EPHA6: variants seen among roughly 807,000 people sequenced by gnomAD.
EPHA6 encodes the protein ephrin type-A receptor 6.
EPHA6 carries 50 observed loss-of-function variants against 112.0 expected under a neutral mutation model. The ratio of observed to expected loss-of-function variants is 0.45; its 90% CI spans 0.36 to 0.56. The LOEUF (loss-of-function observed/expected upper bound fraction) is 0.56. Among genes scored for constraint, EPHA6 ranks in the 20% least tolerant of loss-of-function variants. The probability of loss-of-function intolerance (pLI) is 0.00; values close to 1 mark genes in which losing one functional copy is unlikely to be tolerated. For missense variants in EPHA6, 1,280 were observed against 1,417.4 expected (o/e 0.90, Z 1.56); for synonymous variants, 529 against 490.7 (o/e 1.08, Z -1.03).
At chr3:96,955,615 G>A (rs536073255) in intron 2 of EPHA6, among the ~76,000 whole-genome samples, 1 of 152,230 alleles carries the variant, frequency 6.6e-6, no homozygotes, top group East Asian at 1.9e-4. Flanking sequence ...AAAAGATACT[G>A]TGCTGATGCA....
chr3:96,951,873 A>C (rs1482898472), intron 2 of EPHA6, among the ~76,000 whole-genome samples: 1 of 152,134 alleles, frequency 6.6e-6, no homozygotes, highest in Non-Finnish European at 1.5e-5. Flanking sequence ...GAGAGAAAGA[A>C]GCTATCTCTG....
chr3:97,588,690 A>G (rs956297726), intron 11 of EPHA6, among the ~76,000 whole-genome samples: 2 of 152,228 alleles, frequency 1.3e-5, no homozygotes, highest in African/African-American at 4.8e-5. Flanking sequence ...GTTTATATTT[A>G]TAATCATTTG....
At chr3:97,265,780 C>T (rs1030210439) in intron 5 of EPHA6, among the ~76,000 whole-genome samples, 1 of 152,214 alleles carries the variant, frequency 6.6e-6, no homozygotes, top group Admixed American at 6.5e-5. Context: ...CTGCCACCAC[C>T]GCTTGTGCCT....
At chr3:96,977,257 A>G (rs1417029296) in intron 2 of EPHA6, among the ~76,000 whole-genome samples, 1 of 151,646 alleles carries the variant, frequency 6.6e-6, no homozygotes, top group Non-Finnish European at 1.5e-5. Context: ...AAATGAAACA[A>G]CTGACACATA....
chr3:96,906,396 C>A (rs1306603203), intron 2 of EPHA6, among the ~76,000 whole-genome samples: 2 of 151,986 alleles, frequency 1.3e-5, no homozygotes, highest in African/African-American at 4.8e-5. Flanking sequence ...TTCTCAATTT[C>A]TTTGCTCTTG....
chr3:97,045,864 T>A (rs1377880745), intron 3 of EPHA6, among the ~76,000 whole-genome samples: 1 of 152,076 alleles, frequency 6.6e-6, no homozygotes, highest in African/African-American at 2.4e-5. Context: ...CGCCATTCTT[T>A]TTTATTTATT....
intron 3 of EPHA6, among the ~76,000 whole-genome samples, chr3:97,191,664 C>G (rs535711319): frequency 6.6e-6 from 1 of 152,048 alleles, no homozygotes; most frequent in African/African-American, 2.4e-5. Flanking sequence ...TTTTCTTTCA[C>G]GGCTGACTAG....
chr3:97,076,184 A>G (rs1015625251), intron 3 of EPHA6, among the ~76,000 whole-genome samples: 1 of 152,208 alleles, frequency 6.6e-6, no homozygotes, highest in Non-Finnish European at 1.5e-5. Context: ...AAAAAGGCTC[A>G]AAGCTAATCT....
chr3:96,865,109 G>T, intron 1 of EPHA6, among the ~76,000 whole-genome samples: 1 of 151,966 alleles, frequency 6.6e-6, no homozygotes, highest in East Asian at 1.9e-4. Flanking sequence ...ACTTCAAAAA[G>T]TATTTGAAAA....
chr3:97,296,881 C>T (rs13096898), intron 5 of EPHA6, among the ~76,000 whole-genome samples: 1 of 152,132 alleles, frequency 6.6e-6, no homozygotes, highest in Non-Finnish European at 1.5e-5. Context: ...CAGCATCATC[C>T]CACTGTAGTC....
At chr3:96,925,495 C>T (rs1354903085) in intron 2 of EPHA6, among the ~76,000 whole-genome samples, 1 of 151,720 alleles carries the variant, frequency 6.6e-6, no homozygotes, top group African/African-American at 2.4e-5. Context: ...GTGTTATTTC[C>T]TTTATCATTT....
intron 3 of EPHA6, among the ~76,000 whole-genome samples, chr3:97,119,325 G>A (rs1474345081): frequency 6.6e-6 from 1 of 152,020 alleles, no homozygotes; most frequent in African/African-American, 2.4e-5. Flanking sequence ...CTAGGTGCGT[G>A]TTGCCTACAA....
intron 5 of EPHA6, among the ~76,000 whole-genome samples, chr3:97,372,250 C>T (rs1053901771): frequency 1.3e-5 from 2 of 152,178 alleles, no homozygotes; most frequent in East Asian, 3.9e-4. Flanking sequence ...CTCTTTTGTA[C>T]CTTTTCCCTT....
chr3:97,315,168 T>C (rs2081760338), intron 5 of EPHA6, among the ~76,000 whole-genome samples: 1 of 151,644 alleles, frequency 6.6e-6, no homozygotes, highest in South Asian at 2.1e-4. Flanking sequence ...GATGAAATCT[T>C]ATAGATGCAG....
intron 1 of EPHA6, among the ~76,000 whole-genome samples, chr3:96,827,807 A>C (rs1363137242): frequency 6.6e-6 from 1 of 152,168 alleles, no homozygotes; most frequent in African/African-American, 2.4e-5. Flanking sequence ...GTGCATCAAC[A>C]GGGGTCCCAA....
intron 9 of EPHA6, among the ~76,000 whole-genome samples, chr3:97,479,631 C>A (rs1302034273): frequency 6.6e-6 from 1 of 152,054 alleles, no homozygotes; most frequent in East Asian, 1.9e-4. Context: ...CTGATTTTAT[C>A]AAGTTATTTA....
At chr3:96,948,219 GTGTC>G (rs1410529461) in intron 2 of EPHA6, among the ~76,000 whole-genome samples, 1 of 152,136 alleles carries the variant, frequency 6.6e-6, no homozygotes, top group African/African-American at 2.4e-5. Context: ...AAAACTTGGA[GTGTC>G]TTATAGATCA....
intron 3 of EPHA6, among the ~76,000 whole-genome samples, chr3:97,107,762 G>C (rs1322000891): frequency 6.6e-6 from 1 of 152,050 alleles, no homozygotes; most frequent in East Asian, 1.9e-4. Context: ...TGAATTTCTA[G>C]AGAATAAATA....
intron 2 of EPHA6, among the ~76,000 whole-genome samples, chr3:96,965,953 A>C (rs1468330962): frequency 2.0e-5 from 3 of 152,056 alleles, no homozygotes; most frequent in Non-Finnish European, 4.4e-5. Context: ...TCATGTAAAC[A>C]TGGTCTTGTT....
Sources: gnomAD v4.1 joint callset for allele counts (sites outside exome capture counted in the v4.1 genomes callset) on GRCh38, gnomAD v4.1.1 for gene constraint, MANE v1.5 for transcripts, NCBI Gene and HGNC (gene_info 2026-07-23, HGNC 2026-07-21) for gene names.